Variants in ACSL5 observed in about 807,000 individuals in gnomAD.
ACSL5 encodes long-chain-fatty-acid--CoA ligase 5.
Under a neutral mutation model 84.9 loss-of-function variants are expected in ACSL5, and 50 were observed. The ratio of observed to expected loss-of-function variants is 0.59; its 90% CI spans 0.47 to 0.75. The LOEUF is 0.75. Among genes scored for constraint, ACSL5 ranks in the 30% least tolerant of loss-of-function variants. The probability of loss-of-function intolerance (pLI) is 0.00; values close to 1 mark genes in which losing one functional copy is unlikely to be tolerated. For synonymous variants in ACSL5, 280 were observed against 300.7 expected (o/e 0.93, Z 0.71); for missense variants, 775 against 830.4 (o/e 0.93, Z 0.82).
chr10:112,417,949 A>T lies in ACSL5; in HGVS notation c.1314+8A>T. 1 of 1,590,976 alleles carries T rather than the reference A, an allele frequency of 6.3e-7. No homozygotes were observed. Among genetic ancestry groups the T allele is most frequent in the Non-Finnish European group, 8.6e-7 (1 of 1,167,918 alleles). Reference sequence around the variant, plus strand: ...GCAGCAATGGGATGTCAGGTAAGCCAAGCACCTTCTTTGAGAATAGGCTAT... The same window carrying T: ...GCAGCAATGGGATGTCAGGTAAGCCTAGCACCTTCTTTGAGAATAGGCTAT... On this transcript the variant is annotated splice_region_variant and intron_variant, in intron 14 of 20. Coordinates refer to ENST00000354655, the MANE Select transcript of ACSL5 (RefSeq NM_203379.2).
At chr10:112,376,386 A>G (rs1310394516) in intron 1 of ACSL5, 6 of 1,614,026 alleles carry the variant, frequency 3.7e-6, no homozygotes, top group African/African-American at 1.3e-5. Flanking sequence ...TGTGGCAGGA[A>G]GAACTCAGAG....
intron 5 of ACSL5, 130 bp downstream of exon 5, chr10:112,404,936 C>A: frequency 1.2e-6 from 1 of 809,892 alleles, no homozygotes; most frequent in Non-Finnish European, 1.9e-6. Context: ...TTTTCTAATG[C>A]TTATTCTACT....
At position 112,426,368 on chromosome 10, in the gene ACSL5, T is replaced by A. The variant is rs1844712341; in HGVS notation, c.1839+9T>A. On this transcript the variant is annotated intron_variant, in intron 19 of 20. Transcript: ENST00000354655. The stretch of plus-strand genomic sequence containing the variant: ...AACTGTGCCAAAACCAAGTAAGTCT[T>A]GCCTAGGAAAGCTTTATGCACACCC... 6.2e-7 allele frequency: 1 copy of A among 1,612,570 alleles called. No individual in the cohort carries two copies. The highest frequency in any genetic ancestry group is 1.7e-5 in the Admixed American group (1 of 59,980).
chr10:112,425,006 A>T (rs1192580980), intron 17 of ACSL5: 1 of 179,338 alleles, frequency 5.6e-6, no homozygotes, highest in Non-Finnish European at 1.2e-5. Context: ...AGTTCTGAAA[A>T]TGAACTAATT....
At chr10:112,390,455 C>G (rs1210878784) in intron 1 of ACSL5, among the ~76,000 whole-genome samples, 1 of 152,186 alleles carries the variant, frequency 6.6e-6, no homozygotes, top group Non-Finnish European at 1.5e-5. Flanking sequence ...GGTGCAGCTA[C>G]TGTGGAAAAC....
intron 3 of ACSL5, among the ~76,000 whole-genome samples, chr10:112,403,002 A>G (rs1046044558): frequency 3.9e-5 from 6 of 152,232 alleles, no homozygotes; most frequent in African/African-American, 1.4e-4. Flanking sequence ...TGAGTAGTTT[A>G]GATATTCAGA....
chr10:112,392,555 C>A (rs968634955), intron 1 of ACSL5, among the ~76,000 whole-genome samples: 1 of 152,114 alleles, frequency 6.6e-6, no homozygotes, highest in Non-Finnish European at 1.5e-5. Flanking sequence ...TCCTGGCCAA[C>A]ATAGTGAAAC....
chr10:112,394,766 C>T, intron 1 of ACSL5, 152 bp from the exon 2 acceptor site: 9 of 1,467,534 alleles, frequency 6.1e-6, no homozygotes, highest in Non-Finnish European at 8.1e-6. Context: ...AATTCTGCCA[C>T]TAGAGAGGTA....
chr10:112,390,806 G>A (rs1849546156), intron 1 of ACSL5, among the ~76,000 whole-genome samples: 1 of 152,104 alleles, frequency 6.6e-6, no homozygotes. Flanking sequence ...TGTAAAAGAA[G>A]TCAGACACAA....
intron 1 of ACSL5, among the ~76,000 whole-genome samples, chr10:112,385,634 T>TTTC (rs1387323124): frequency 6.6e-6 from 1 of 152,246 alleles, no homozygotes; most frequent in Non-Finnish European, 1.5e-5. Context: ...TGCTGTGAAC[T>TTTC]TTCAGCAAGC....
chr10:112,394,844 G>A, intron 1 of ACSL5, 74 bp from the exon 2 acceptor site: 1 of 1,567,608 alleles, frequency 6.4e-7, no homozygotes, highest in East Asian at 2.2e-5. Context: ...GTGTCCTTCT[G>A]AAAACATAGA....
At chr10:112,401,496 T>C (rs990858805) in intron 3 of ACSL5, among the ~76,000 whole-genome samples, 1 of 152,250 alleles carries the variant, frequency 6.6e-6, no homozygotes, top group South Asian at 2.1e-4. Flanking sequence ...AATTTGTTAA[T>C]GGATGGGCTC....
intron 10 of ACSL5, 136 bp downstream of exon 10, chr10:112,411,665 G>C: frequency 6.5e-6 from 6 of 921,636 alleles, no homozygotes; most frequent in Non-Finnish European, 1.0e-5. Context: ...GCTGGAGTGT[G>C]GACAAACACC....
At position 112,404,769 on chromosome 10, in the gene ACSL5, A is replaced by G. The variant is rs1309633255; in HGVS notation, c.395A>G (p.Asp132Gly). ...LLHKGYKSSP[D>G]QFVGIFAQNR... ...CATAAAGGTTATAAATCATCACCAG[A>G]CCAGTTTGTCGGCATCTTTGCTCAG... Residue 132 changes from aspartate (D) to glycine (G), a missense_variant, in exon 5 of 21, where the codon GAC (aspartate) becomes GGC (glycine). Transcript: ENST00000354655. 1.2e-6 allele frequency: 2 copies of G among 1,614,020 alleles called. No individual in the cohort carries two copies. Among genetic ancestry groups the G allele is most frequent in the South Asian group, 2.2e-5 (2 of 91,080 alleles).
chr10:112,380,062 C>G (rs1417595686), intron 1 of ACSL5, among the ~76,000 whole-genome samples: 1 of 152,154 alleles, frequency 6.6e-6, no homozygotes, highest in African/African-American at 2.4e-5. Flanking sequence ...TCATAATATA[C>G]TTGGTCAGCA....
chr10:112,410,311 C>T (rs1287269780), intron 7 of ACSL5, 152 bp from the exon 8 acceptor site: 1 of 1,549,144 alleles, frequency 6.5e-7, no homozygotes, highest in South Asian at 1.2e-5. Context: ...TCCATTGTTC[C>T]TGAATGTTGG....
chr10:112,397,437 T>C (rs1343163095), intron 2 of ACSL5, among the ~76,000 whole-genome samples: 1 of 152,170 alleles, frequency 6.6e-6, no homozygotes, highest in Admixed American at 6.6e-5. Context: ...CTCAAAGTGC[T>C]GAAATTACAG....
intron 18 of ACSL5, 117 bp from the exon 19 acceptor site, chr10:112,426,141 T>C: frequency 1.3e-6 from 1 of 770,594 alleles, no homozygotes; most frequent in Non-Finnish European, 2.2e-6. Flanking sequence ...TAGTACTGGA[T>C]TTAAGGTTTT....
At position 112,375,232 on chromosome 10, in the gene ACSL5, C is replaced by T. The variant is rs886378299; in HGVS notation, c.-30+963C>T. The T allele has an allele frequency of 2.6e-5, 4 of 152,150 alleles. No individual in the cohort carries two copies. In the South Asian group the frequency reaches 8.3e-4, roughly 32 times the overall value. 9.4% of individuals were successfully genotyped at this position (152,150 alleles called of 1,614,324 possible). The stretch of plus-strand genomic sequence containing the variant: ...GGGGAGCTGAGTTCCTGAAACTAAG[C>T]AAATGACAAGTGCTCCTCCAGCCGT... On this transcript the variant is annotated intron_variant, in intron 1 of 20. Transcript: ENST00000354655.
Sources: gnomAD v4.1 joint callset for allele counts (sites outside exome capture counted in the v4.1 genomes callset) on GRCh38, gnomAD v4.1.1 for gene constraint, MANE v1.5 for transcripts, NCBI Gene and HGNC (gene_info 2026-07-23, HGNC 2026-07-21) for gene names.